Variants in ZFPM2 observed in about 807,000 individuals in gnomAD.
ZFPM2 encodes the protein zinc finger protein, FOG family member 2, also known as zinc finger protein ZFPM2.
ZFPM2 carries 20 observed loss-of-function variants against 98.6 expected under a neutral mutation model. The observed-to-expected ratio is 0.20, with a 90% CI of 0.14 to 0.29. The LOEUF is 0.29. Among genes scored for constraint, ZFPM2 ranks in the 10% least tolerant of loss-of-function variants. The pLI, the probability that ZFPM2 is intolerant of heterozygous loss-of-function variation, is 1.00. For missense variants in ZFPM2, 1,310 were observed against 1,388.6 expected (o/e 0.94, Z 0.90); for synonymous variants, 518 against 502.7 (o/e 1.03, Z -0.41).
At chr8:105,407,297 C>G (rs7816536) in intron 1 of ZFPM2, among the ~76,000 whole-genome samples, 51,204 of 151,564 alleles carry the variant, frequency 0.34, 10,724 homozygotes, top group African/African-American at 0.59. Context: ...ATATATTTTA[C>G]TTCACGCTAT....
chr8:105,552,269 T>C (rs1217890318), intron 3 of ZFPM2, among the ~76,000 whole-genome samples: 1 of 152,162 alleles, frequency 6.6e-6, no homozygotes, highest in Non-Finnish European at 1.5e-5. Context: ...GACTGACTTT[T>C]AGCTGCTGCA....
intron 5 of ZFPM2, among the ~76,000 whole-genome samples, chr8:105,674,591 C>G (rs1455221307): frequency 6.6e-6 from 1 of 152,018 alleles, no homozygotes; most frequent in Non-Finnish European, 1.5e-5. Context: ...AAAGGCATTC[C>G]CTATGTAATC....
intron 3 of ZFPM2, among the ~76,000 whole-genome samples, chr8:105,479,177 A>C (rs1362587635): frequency 6.6e-6 from 1 of 152,170 alleles, no homozygotes; most frequent in Admixed American, 6.5e-5. Flanking sequence ...ACCCAATGCT[A>C]CGATATTCTG....
At chr8:105,511,780 G>T (rs1444412113) in intron 3 of ZFPM2, among the ~76,000 whole-genome samples, 1 of 152,196 alleles carries the variant, frequency 6.6e-6, no homozygotes, top group Non-Finnish European at 1.5e-5. Context: ...CACTTGGTCA[G>T]TTCAGACCAA....
chr8:105,518,081 T>C (rs1449024030), intron 3 of ZFPM2, among the ~76,000 whole-genome samples: 1 of 152,204 alleles, frequency 6.6e-6, no homozygotes, highest in Non-Finnish European at 1.5e-5. Flanking sequence ...TCAGAGGCAC[T>C]TTGAAAATGG....
At chr8:105,547,154 A>G (rs1403720887) in intron 3 of ZFPM2, among the ~76,000 whole-genome samples, 31 of 152,136 alleles carry the variant, frequency 2.0e-4, no homozygotes, top group Admixed American at 2.0e-3. Flanking sequence ...GTGCATAATG[A>G]TTTCCATATT....
At chr8:105,646,507 A>G (rs1265648748) in intron 5 of ZFPM2, among the ~76,000 whole-genome samples, 1 of 152,128 alleles carries the variant, frequency 6.6e-6, no homozygotes, top group Non-Finnish European at 1.5e-5. Context: ...CCCCTTGGCC[A>G]GGAGGAGGTC....
At chr8:105,597,060 G>A (rs923331732) in intron 4 of ZFPM2, among the ~76,000 whole-genome samples, 2 of 151,676 alleles carry the variant, frequency 1.3e-5, no homozygotes, top group Non-Finnish European at 2.9e-5. Flanking sequence ...TGTAACAGCT[G>A]CATTCTTACT....
chr8:105,795,874 G>GAGAAT (rs1491106544), intron 6 of ZFPM2: 4 of 407,252 alleles, frequency 9.8e-6, no homozygotes, highest in African/African-American at 8.3e-5. Context: ...ATCTTAAGAG[G>GAGAAT]AGAATAGATT....
intron 1 of ZFPM2, among the ~76,000 whole-genome samples, chr8:105,340,752 T>C (rs1430480973): frequency 6.6e-6 from 1 of 151,916 alleles, no homozygotes; most frequent in Non-Finnish European, 1.5e-5. Context: ...GAAGGTAAGA[T>C]CTCTGCTTTC....
intron 1 of ZFPM2, among the ~76,000 whole-genome samples, chr8:105,380,883 T>C (rs1810869096): frequency 1.0e-5 from 1 of 98,664 alleles, no homozygotes; most frequent in East Asian, 2.6e-4. Flanking sequence ...ATGTTATATA[T>C]ATTATAATAT....
At chr8:105,610,779 G>A (rs1167306726) in intron 4 of ZFPM2, among the ~76,000 whole-genome samples, 2 of 152,146 alleles carry the variant, frequency 1.3e-5, no homozygotes. Context: ...TCAACAATCT[G>A]CTCTGCACAT....
At chr8:105,763,611 C>A (rs1563553627) in intron 5 of ZFPM2, among the ~76,000 whole-genome samples, 1 of 151,858 alleles carries the variant, frequency 6.6e-6, no homozygotes, top group Non-Finnish European at 1.5e-5. Flanking sequence ...CAACAATCAT[C>A]TTCCAATACA....
intron 3 of ZFPM2, among the ~76,000 whole-genome samples, chr8:105,472,945 G>A (rs1428084772): frequency 2.1e-5 from 3 of 144,576 alleles, no homozygotes; most frequent in Non-Finnish European, 4.5e-5. Context: ...CCTCAGGATG[G>A]AATACAGTGG....
At chr8:105,716,809 G>C (rs1051550910) in intron 5 of ZFPM2, among the ~76,000 whole-genome samples, 2 of 151,958 alleles carry the variant, frequency 1.3e-5, no homozygotes, top group African/African-American at 4.8e-5. Flanking sequence ...AGGTTTTCAA[G>C]AGTACAGCAC....
intron 4 of ZFPM2, among the ~76,000 whole-genome samples, chr8:105,566,512 C>A (rs1815247050): frequency 6.6e-6 from 1 of 152,084 alleles, no homozygotes; most frequent in African/African-American, 2.4e-5. Context: ...ATATGTTGTA[C>A]CTTTGAAGAT....
intron 4 of ZFPM2, among the ~76,000 whole-genome samples, chr8:105,589,208 T>A (rs890699031): frequency 1.3e-5 from 2 of 152,190 alleles, no homozygotes; most frequent in African/African-American, 2.4e-5. Flanking sequence ...TTTGTGCCAT[T>A]AAAGTTATGA....
intron 5 of ZFPM2, among the ~76,000 whole-genome samples, chr8:105,665,112 G>A (rs1278655172): frequency 5.3e-5 from 8 of 152,082 alleles, no homozygotes; most frequent in Admixed American, 3.9e-4. Context: ...GCCTTATAAC[G>A]TGGTGGAAGG....
intron 5 of ZFPM2, among the ~76,000 whole-genome samples, chr8:105,766,119 T>C (rs1563554661): frequency 1.3e-5 from 2 of 151,916 alleles, no homozygotes; most frequent in Non-Finnish European, 2.9e-5. Context: ...GGGATTAAAG[T>C]GCAGAGCATG....
Sources: allele counts gnomAD v4.1 joint callset (sites outside exome capture counted in the v4.1 genomes callset), GRCh38; gene constraint gnomAD v4.1.1; transcripts MANE v1.5; gene names NCBI Gene and HGNC (gene_info 2026-07-23, HGNC 2026-07-21).